Variants in NSRP1 observed in about 807,000 individuals in gnomAD.
The protein encoded by NSRP1 is coiled-coil domain containing 55.
A neutral mutation model predicts 54.7 loss-of-function variants in NSRP1; 24 were observed. The observed-to-expected ratio is 0.44, with a 90% CI of 0.32 to 0.62. NSRP1 has a LOEUF of 0.62. Among genes scored for constraint, NSRP1 ranks in the 20% least tolerant of loss-of-function variants. NSRP1 has a pLI of 0.06. For missense variants in NSRP1, 596 were observed against 651.2 expected, an observed-to-expected ratio of 0.92 and a Z score of 0.92; for synonymous variants, 210 against 213.8, an observed-to-expected ratio of 0.98 and a Z score of 0.15.
intron 5 of NSRP1, among the ~76,000 whole-genome samples, chr17:30,180,687 T>C (rs552468666): frequency 6.6e-6 from 1 of 152,336 alleles, no homozygotes; most frequent in South Asian, 2.1e-4. Context: ...TCTGCCTTTG[T>C]AGTACAAAAG....
intron 2 of NSRP1, among the ~76,000 whole-genome samples, chr17:30,133,823 C>G (rs1278887529): frequency 6.6e-6 from 1 of 152,190 alleles, no homozygotes; most frequent in African/African-American, 2.4e-5. Flanking sequence ...TACTAAAATT[C>G]TCTCCATATC....
At chr17:30,148,279 G>A (rs2071875463) in intron 2 of NSRP1, among the ~76,000 whole-genome samples, 1 of 152,112 alleles carries the variant, frequency 6.6e-6, no homozygotes. Flanking sequence ...TTTTGAGCAG[G>A]ATGTATTATT....
chr17:30,158,793 G>C, intron 2 of NSRP1, among the ~76,000 whole-genome samples: 1 of 152,016 alleles, frequency 6.6e-6, no homozygotes, highest in East Asian at 1.9e-4. Context: ...TTTATTTCTG[G>C]ATTCTCTATT....
intron 3 of NSRP1, among the ~76,000 whole-genome samples, chr17:30,176,081 T>C (rs1452180974): frequency 6.8e-6 from 1 of 147,364 alleles, no homozygotes; most frequent in South Asian, 2.2e-4. Flanking sequence ...TATATATTCA[T>C]ACTGTTTTTT....
At chr17:30,166,309 A>G (rs1904729868) in intron 2 of NSRP1, among the ~76,000 whole-genome samples, 1 of 152,178 alleles carries the variant, frequency 6.6e-6, no homozygotes, top group South Asian at 2.1e-4. Context: ...TAATCTTTGC[A>G]GTTATTATAT....
Position 30,118,199 on chromosome 17 carries a change from G to A in NSRP1, c.114+26G>A, listed in dbSNP as rs201929571. 296 of 1,568,472 alleles carry A rather than the reference G, an allele frequency of 1.9e-4. No homozygotes were observed. In the African/African-American group the frequency reaches 3.6e-3, roughly 19 times the overall value. On this transcript the variant is annotated intron_variant, in intron 2 of 6. Coordinates refer to ENST00000247026, the MANE Select transcript of NSRP1 (RefSeq NM_032141.4). ...GTAAGGAAACCTATGTTTTACTCGT[G>A]CATGGTTGGAAATGTAAATTTTTTA...
intron 2 of NSRP1, among the ~76,000 whole-genome samples, chr17:30,136,995 GTAGGT>G (rs1005509838): frequency 1.9e-4 from 29 of 152,046 alleles, no homozygotes; most frequent in South Asian, 8.3e-4. Flanking sequence ...GATTTTCTGA[GTAGGT>G]AATCATAGTA....
Position 30,116,851 on chromosome 17 carries a change from T to G in NSRP1, c.8T>G (p.Ile3Ser), listed in dbSNP as rs1488738857. The change falls in exon 1 of 7, where the codon ATT (isoleucine) becomes AGT (serine). Residue 3 changes from isoleucine to serine, a missense_variant. Coordinates refer to ENST00000247026, the MANE Select transcript of NSRP1 (RefSeq NM_032141.4). MAIPGRQYGLILP... is the reference protein window; with the variant it reads MASPGRQYGLILP... ...AGCGGACACGGGAGCAAGATGGCGATTCCGGGCAGGCAGTGAGTGATCCGG... is the reference window on the plus strand; with the variant it reads ...AGCGGACACGGGAGCAAGATGGCGAGTCCGGGCAGGCAGTGAGTGATCCGG... The G allele has an allele frequency of 6.3e-7, 1 of 1,576,214 alleles. No individual in the cohort carries two copies. Among genetic ancestry groups the G allele is most frequent in the Admixed American group, 1.9e-5 (1 of 54,004 alleles).
intron 2 of NSRP1, among the ~76,000 whole-genome samples, chr17:30,167,646 T>C (rs1380754899): frequency 6.6e-6 from 1 of 152,100 alleles, no homozygotes; most frequent in Non-Finnish European, 1.5e-5. Flanking sequence ...TGCTTTTAAT[T>C]GTAGTAGTTT....
chr17:30,159,042 T>G (rs1249377641), intron 2 of NSRP1, among the ~76,000 whole-genome samples: 2 of 152,210 alleles, frequency 1.3e-5, no homozygotes, highest in African/African-American at 4.8e-5. Context: ...ATCTGTAGAT[T>G]GCTTTTGGTA....
At chr17:30,176,336 T>C (rs1372996449) in intron 3 of NSRP1, among the ~76,000 whole-genome samples, 3 of 152,004 alleles carry the variant, frequency 2.0e-5, no homozygotes, top group Non-Finnish European at 2.9e-5. Flanking sequence ...CCTGGCCGGG[T>C]GCAGTGGCTC....
intron 3 of NSRP1, 137 bp downstream of exon 3, chr17:30,172,735 T>C (rs1904997909): frequency 1.2e-5 from 7 of 592,098 alleles, no homozygotes; most frequent in Non-Finnish European, 2.1e-5. Flanking sequence ...AGCTCCTTAT[T>C]GCTGTGCTAT....
At chr17:30,138,740 T>C (rs2151885785) in intron 2 of NSRP1, among the ~76,000 whole-genome samples, 1 of 152,122 alleles carries the variant, frequency 6.6e-6, no homozygotes, top group East Asian at 1.9e-4. Flanking sequence ...TTTTGAGGAC[T>C]GTTTCAGTCT....
intron 2 of NSRP1, among the ~76,000 whole-genome samples, chr17:30,168,640 A>G (rs1448309999): frequency 3.3e-5 from 5 of 149,886 alleles, no homozygotes; most frequent in Non-Finnish European, 5.9e-5. Context: ...CTGCTCTTTT[A>G]TGAGGAAATT....
intron 6 of NSRP1, among the ~76,000 whole-genome samples, chr17:30,184,373 G>A (rs1905427279): frequency 6.6e-6 from 1 of 152,146 alleles, no homozygotes; most frequent in Non-Finnish European, 1.5e-5. Flanking sequence ...TAGTATAGTA[G>A]ACAAGGGCTA....
At chr17:30,122,988 T>C (rs943958200) in intron 2 of NSRP1, among the ~76,000 whole-genome samples, 9 of 151,948 alleles carry the variant, frequency 5.9e-5, no homozygotes, top group African/African-American at 2.2e-4. Flanking sequence ...TCTCACTATA[T>C]TGGCCAGGTT....
intron 2 of NSRP1, among the ~76,000 whole-genome samples, chr17:30,166,552 A>G (rs1030223871): frequency 1.1e-4 from 17 of 152,348 alleles, no homozygotes; most frequent in African/African-American, 4.1e-4. Context: ...AGATTTTGTT[A>G]TATGAATGCA....
At chr17:30,168,636 T>C (rs1479435731) in intron 2 of NSRP1, among the ~76,000 whole-genome samples, 1 of 149,786 alleles carries the variant, frequency 6.7e-6, no homozygotes, top group Non-Finnish European at 1.5e-5. Flanking sequence ...GTATCTGCTC[T>C]TTTATGAGGA....
intron 2 of NSRP1, among the ~76,000 whole-genome samples, chr17:30,126,946 A>G (rs1010624276): frequency 6.6e-6 from 1 of 152,200 alleles, no homozygotes; most frequent in Admixed American, 6.5e-5. Flanking sequence ...AGCTGTCTGT[A>G]TTGTAAAGAT....
Sources: allele counts gnomAD v4.1 joint callset (sites outside exome capture counted in the v4.1 genomes callset), GRCh38; gene constraint gnomAD v4.1.1; transcripts MANE v1.5; gene names NCBI Gene and HGNC (gene_info 2026-07-23, HGNC 2026-07-21).